COL14A1: variants seen among roughly 807,000 people sequenced by gnomAD.
COL14A1 encodes the protein collagen alpha-1(XIV) chain.
In COL14A1, 136 loss-of-function variants were observed where a neutral mutation model predicts 230.3. The observed-to-expected ratio is 0.59, with a 90% CI of 0.51 to 0.68. COL14A1 has a LOEUF of 0.68. Among genes scored for constraint, COL14A1 ranks in the 30% least tolerant of loss-of-function variants. The pLI is 0.00. For missense variants in COL14A1, 1,976 were observed against 2,215.8 expected, an observed-to-expected ratio of 0.89 and a Z score of 2.17; for synonymous variants, 792 against 784.1, an observed-to-expected ratio of 1.01 and a Z score of -0.17.
At chr8:120,149,249 T>A (rs1029288979) in intron 2 of COL14A1, among the ~76,000 whole-genome samples, 3 of 152,348 alleles carry the variant, frequency 2.0e-5, no homozygotes, top group Middle Eastern at 3.4e-3. Context: ...AAAAGATCAA[T>A]GCATGAACCA....
chr8:120,339,208 C>T (rs541044253), intron 42 of COL14A1, among the ~76,000 whole-genome samples: 2 of 152,286 alleles, frequency 1.3e-5, no homozygotes, highest in African/African-American at 4.8e-5. Flanking sequence ...CTCCTGACCT[C>T]GTGGTCTGCC....
chr8:120,322,639 A>T (rs993945858), intron 40 of COL14A1, among the ~76,000 whole-genome samples: 2 of 152,208 alleles, frequency 1.3e-5, no homozygotes, highest in Non-Finnish European at 2.9e-5. Flanking sequence ...AAGTGAGAAC[A>T]TGCAGAATCT....
chr8:120,182,019 G>A (rs897361273), intron 5 of COL14A1, among the ~76,000 whole-genome samples: 6 of 152,054 alleles, frequency 3.9e-5, no homozygotes, highest in Admixed American at 2.0e-4. Context: ...TTCTTCTAGC[G>A]TTAGACCTCC....
intron 18 of COL14A1, among the ~76,000 whole-genome samples, chr8:120,230,741 G>A (rs1458283489): frequency 6.6e-6 from 1 of 152,046 alleles, no homozygotes; most frequent in African/African-American, 2.4e-5. Context: ...CACAGAAAAA[G>A]TTCAATGAAT....
chr8:120,131,950 G>A (rs1035066084), intron 1 of COL14A1, among the ~76,000 whole-genome samples: 1 of 144,220 alleles, frequency 6.9e-6, no homozygotes, highest in East Asian at 2.2e-4. Context: ...GGGTTCAGGC[G>A]ATTCTCCTGC....
chr8:120,307,104 C>G (rs112526686), intron 36 of COL14A1, among the ~76,000 whole-genome samples: 1 of 152,196 alleles, frequency 6.6e-6, no homozygotes, highest in Non-Finnish European at 1.5e-5. Flanking sequence ...TGTGCTTGCT[C>G]TAGCTTCCCA....
At chr8:120,259,311 T>C (rs765320384) in intron 23 of COL14A1, among the ~76,000 whole-genome samples, 1 of 152,170 alleles carries the variant, frequency 6.6e-6, no homozygotes, top group Non-Finnish European at 1.5e-5. Context: ...CTGGTGGCGT[T>C]ATAATTATAA....
intron 34 of COL14A1, among the ~76,000 whole-genome samples, chr8:120,290,854 T>G (rs1284776466): frequency 6.6e-6 from 1 of 152,192 alleles, no homozygotes; most frequent in Non-Finnish European, 1.5e-5. Flanking sequence ...TGTCCCCTTA[T>G]GTATAGGGGG....
chr8:120,163,410 A>G (rs1032508261), intron 4 of COL14A1, among the ~76,000 whole-genome samples: 1 of 152,194 alleles, frequency 6.6e-6, no homozygotes, highest in African/African-American at 2.4e-5. Flanking sequence ...AAGCTCTGCG[A>G]TGGTCCAATC....
At chr8:120,260,462 C>T (rs1819288410) in intron 23 of COL14A1, among the ~76,000 whole-genome samples, 1 of 152,166 alleles carries the variant, frequency 6.6e-6, no homozygotes, top group Admixed American at 6.5e-5. Flanking sequence ...TCATAAACTC[C>T]TCTGCAAATA....
At chr8:120,216,052 G>A (rs2130776690) in intron 13 of COL14A1, among the ~76,000 whole-genome samples, 1 of 152,240 alleles carries the variant, frequency 6.6e-6, no homozygotes, top group South Asian at 2.1e-4. Context: ...AATCCATTAA[G>A]TTTCCTACTT....
chr8:120,163,562 G>A (rs1225520513), intron 4 of COL14A1, among the ~76,000 whole-genome samples: 7 of 152,054 alleles, frequency 4.6e-5, no homozygotes, highest in African/African-American at 7.2e-5. Flanking sequence ...TCAGGAGTTC[G>A]AGACCAGCCT....
chr8:120,209,676 A>C (rs1340738836), intron 11 of COL14A1, 80 bp from the exon 12 acceptor site: 1 of 1,391,444 alleles, frequency 7.2e-7, no homozygotes, highest in Non-Finnish European at 9.8e-7. Context: ...AAATATGGTC[A>C]ATCTTATTTC....
chr8:120,341,973 T>C lies in COL14A1; in HGVS notation c.4822-407T>C, dbSNP rs372441740. The stretch of plus-strand genomic sequence containing the variant: ...GTGAAATCTTGGGCCATGTGTTTAA[T>C]GCTATTCAGCTATAAAATGGGTTTA... On this transcript the variant is annotated intron_variant, in intron 43 of 47. Coordinates refer to ENST00000297848, the MANE Select transcript of COL14A1 (RefSeq NM_021110.4). Among the ~76,000 whole-genome samples the C allele has an allele frequency of 3.5e-4, 53 of 152,358 alleles. No individual in the cohort carries two copies. The East Asian group carries it at 4.8e-3, about 14-fold the overall frequency.
chr8:120,278,130 C>T lies in COL14A1; in HGVS notation c.3233C>T (p.Thr1078Ile). 1 of 1,609,348 alleles carries T rather than the reference C, an allele frequency of 6.2e-7. No individual in the cohort carries two copies. Among genetic ancestry groups the T allele is most frequent in the Non-Finnish European group, 8.5e-7 (1 of 1,178,002 alleles). ...CTCCAGGTTGCAATGGTTCAGTTCA[C>T]TGATGATCCCAGAACAGAATTTAAA... ...DGTQVAMVQF[T>I]DDPRTEFKLN... Residue 1078 changes from threonine to isoleucine, a missense_variant, in exon 27 of 48, where the codon ACT becomes ATT. This residue lies in a region of COL14A1 where 1,791 missense variants were observed against 2,019.5 expected (regional missense o/e 0.89). Coordinates refer to ENST00000297848, the MANE Select transcript of COL14A1 (RefSeq NM_021110.4).
chr8:120,306,198 G>A (rs1445221033), intron 36 of COL14A1, among the ~76,000 whole-genome samples: 1 of 151,926 alleles, frequency 6.6e-6, no homozygotes, highest in African/African-American at 2.4e-5. Context: ...TAGTGTTTTA[G>A]CCAGCATTAA....
At chr8:120,268,019 A>G (rs766441028) in intron 25 of COL14A1, among the ~76,000 whole-genome samples, 11 of 151,886 alleles carry the variant, frequency 7.2e-5, no homozygotes, top group Admixed American at 2.0e-4. Flanking sequence ...GCTTAAAGCC[A>G]GTAGATTCAA....
chr8:120,153,519 A>C (rs1318441937), intron 2 of COL14A1, among the ~76,000 whole-genome samples: 1 of 152,232 alleles, frequency 6.6e-6, no homozygotes. Context: ...TTTTTAGATT[A>C]CTTGGAAAAA....
chr8:120,225,024 T>C (rs1000902771), intron 14 of COL14A1, 64 bp from the exon 15 acceptor site: 1 of 1,489,252 alleles, frequency 6.7e-7, no homozygotes, highest in Admixed American at 2.1e-5. Context: ...CTACAGACAA[T>C]AATAAAATGA....
Sources: allele counts gnomAD v4.1 joint callset (sites outside exome capture counted in the v4.1 genomes callset), GRCh38; gene constraint gnomAD v4.1.1; regional missense constraint gnomAD v4.1.1; transcripts MANE v1.5; gene names NCBI Gene and HGNC (gene_info 2026-07-23, HGNC 2026-07-21).